Variants in MLIP observed in about 807,000 individuals in gnomAD.
MLIP encodes muscular LMNA interacting protein.
A neutral mutation model predicts 84.8 loss-of-function variants in MLIP; 79 were observed. That is an observed-to-expected ratio of 0.93 (90% CI 0.78 to 1.12). MLIP has a LOEUF of 1.12. MLIP is among the 50% of genes most tolerant of loss of function. The pLI, the probability that MLIP is intolerant of heterozygous loss-of-function variation, is 0.00. For missense variants in MLIP, 1,257 were observed against 1,160.6 expected, an observed-to-expected ratio of 1.08 and a Z score of -1.21; for synonymous variants, 504 against 463.0, an observed-to-expected ratio of 1.09 and a Z score of -1.14.
chr6:54,157,312 G>A (rs1439116815), intron 5 of MLIP, among the ~76,000 whole-genome samples: 2 of 152,104 alleles, frequency 1.3e-5, no homozygotes, highest in East Asian at 1.9e-4. Flanking sequence ...CTTGACATCT[G>A]CTAGAATTGA....
intron 1 of MLIP, among the ~76,000 whole-genome samples, chr6:54,041,541 G>A (rs901612788): frequency 1.3e-5 from 2 of 152,014 alleles, no homozygotes; most frequent in African/African-American, 4.8e-5. Flanking sequence ...ATTTCCACTA[G>A]CAAAGTGTGT....
intron 4 of MLIP, among the ~76,000 whole-genome samples, chr6:54,143,248 G>A (rs546509297): frequency 3.5e-5 from 5 of 142,972 alleles, no homozygotes; most frequent in African/African-American, 1.3e-4. Flanking sequence ...GTGTAGTTTC[G>A]CTCTTGGCGT....
At chr6:54,221,268 T>A (rs1780201857) in intron 11 of MLIP, among the ~76,000 whole-genome samples, 3 of 152,108 alleles carry the variant, frequency 2.0e-5, no homozygotes, top group Admixed American at 2.0e-4. Flanking sequence ...AGTGGTCCTT[T>A]CCCTGTATGA....
rs747881206 is a variant in MLIP, at chr6:54,257,362, G to A, written c.2976+1G>A. The A allele has an allele frequency of 6.2e-7, 1 of 1,603,620 alleles. No individual in the cohort carries two copies. Among genetic ancestry groups the A allele is most frequent in the Non-Finnish European group, 8.5e-7 (1 of 1,171,100 alleles). On this transcript the variant is annotated splice_donor_variant, in intron 13 of 13. Coordinates refer to ENST00000502396, the MANE Select transcript of MLIP (RefSeq NM_001281747.2). LOFTEE classifies it high-confidence loss of function. The stretch of plus-strand genomic sequence containing the variant: ...ACATGAAGCTCTTGATTCCAAAGAG[G>A]TAAATGTAAGATAGGACTGGATATC...
chr6:54,162,299 C>T lies in MLIP; in HGVS notation c.2499+1500C>T, dbSNP rs962823722. Reference sequence around the variant, plus strand: ...TAGAGAAACAGGCATGTGTAAATTTCCTGAAGCATGAAAGAGCTTAGTGTG... The same window carrying T: ...TAGAGAAACAGGCATGTGTAAATTTTCTGAAGCATGAAAGAGCTTAGTGTG... On this transcript the variant is annotated intron_variant, in intron 8 of 13. Coordinates refer to ENST00000502396, the MANE Select transcript of MLIP (RefSeq NM_001281747.2). Among the ~76,000 whole-genome samples the T allele has an allele frequency of 9.9e-5, 15 of 152,080 alleles. No homozygotes were observed. In the South Asian group the frequency reaches 2.3e-3, roughly 23 times the overall value.
intron 1 of MLIP, among the ~76,000 whole-genome samples, chr6:54,093,563 A>G (rs1304072941): frequency 6.6e-6 from 1 of 152,100 alleles, no homozygotes; most frequent in Non-Finnish European, 1.5e-5. Context: ...AGCTGCTAAA[A>G]CGAGGGGGCT....
At position 54,102,797 on chromosome 6, in the gene MLIP, A is replaced by C. The variant is rs192473269; in HGVS notation, c.64-18650A>C. ...AGGAAACAAAACAAATACATTTCCCATCACAGTGGCATTTATGTTCCAACT... is the reference window on the plus strand; with the variant it reads ...AGGAAACAAAACAAATACATTTCCCCTCACAGTGGCATTTATGTTCCAACT... On this transcript the variant is annotated intron_variant, in intron 1 of 12. Transcript: ENST00000274897. Among the ~76,000 whole-genome samples the C allele has an allele frequency of 3.0e-4, 45 of 152,332 alleles. 1 individual carries two copies. Among genetic ancestry groups the C allele is most frequent in the African/African-American group, 9.4e-4 (39 of 41,586 alleles).
intron 11 of MLIP, among the ~76,000 whole-genome samples, chr6:54,223,933 A>G (rs890487419): frequency 6.6e-6 from 1 of 152,054 alleles, no homozygotes; most frequent in African/African-American, 2.4e-5. Flanking sequence ...AGTCCTTGAA[A>G]GGAAATTTAT....
At chr6:54,079,247 C>T (rs1221966820) in intron 1 of MLIP, among the ~76,000 whole-genome samples, 1 of 152,136 alleles carries the variant, frequency 6.6e-6, no homozygotes. Context: ...AGACAATCCT[C>T]ATGGGTGAAT....
At chr6:54,219,269 G>A (rs1469924387) in intron 11 of MLIP, among the ~76,000 whole-genome samples, 2 of 149,176 alleles carry the variant, frequency 1.3e-5, no homozygotes, top group Admixed American at 6.7e-5. Flanking sequence ...ACATTATGCA[G>A]CTGTACAAAA....
intron 11 of MLIP, among the ~76,000 whole-genome samples, chr6:54,218,864 T>C (rs1780023837): frequency 1.3e-5 from 2 of 151,922 alleles, no homozygotes; most frequent in African/African-American, 4.8e-5. Flanking sequence ...ATTTTTTACT[T>C]AATAAACTTG....
At chr6:54,042,571 TA>T (rs938127436) in intron 1 of MLIP, among the ~76,000 whole-genome samples, 1 of 152,184 alleles carries the variant, frequency 6.6e-6, no homozygotes, top group African/African-American at 2.4e-5. Context: ...AATGTGAAAT[TA>T]TGTAAGAACA....
intron 1 of MLIP, among the ~76,000 whole-genome samples, chr6:54,084,460 G>A (rs1227910476): frequency 6.6e-6 from 1 of 152,022 alleles, no homozygotes; most frequent in Non-Finnish European, 1.5e-5. Context: ...TTGCAATCAG[G>A]GTCACATTAC....
At chr6:54,216,289 G>C (rs1353718024) in intron 11 of MLIP, 1 of 985,192 alleles carries the variant, frequency 1.0e-6, no homozygotes, top group African/African-American at 1.7e-5. Flanking sequence ...AATTGTAGAA[G>C]CCTATTTTCT....
intron 8 of MLIP, among the ~76,000 whole-genome samples, chr6:54,165,460 C>A (rs1019271968): frequency 5.3e-5 from 8 of 151,946 alleles, no homozygotes; most frequent in African/African-American, 1.9e-4. Context: ...TTCATCGTTA[C>A]CTCTTTACAA....
intron 4 of MLIP, among the ~76,000 whole-genome samples, chr6:54,144,404 G>A (rs901725367): frequency 2.0e-5 from 3 of 152,090 alleles, no homozygotes; most frequent in Non-Finnish European, 2.9e-5. Context: ...TTACTGCACC[G>A]GTCCCCAACC....
At chr6:54,247,057 A>C (rs1782130327) in intron 12 of MLIP, among the ~76,000 whole-genome samples, 2 of 152,146 alleles carry the variant, frequency 1.3e-5, no homozygotes, top group African/African-American at 4.8e-5. Flanking sequence ...GACCCAAGAA[A>C]GTTTTTAAGA....
At chr6:54,057,000 G>A (rs964508872) in intron 1 of MLIP, among the ~76,000 whole-genome samples, 3 of 152,070 alleles carry the variant, frequency 2.0e-5, no homozygotes, top group African/African-American at 7.2e-5. Flanking sequence ...AAAGGCATAG[G>A]GTTAACATTT....
At chr6:54,235,938 T>C (rs983674981) in intron 12 of MLIP, among the ~76,000 whole-genome samples, 3 of 152,164 alleles carry the variant, frequency 2.0e-5, no homozygotes, top group Non-Finnish European at 2.9e-5. Context: ...GCATGGCATG[T>C]CCTTATCAAC....
Sources: gnomAD v4.1 joint callset for allele counts (sites outside exome capture counted in the v4.1 genomes callset) on GRCh38, gnomAD v4.1.1 for gene constraint, MANE v1.5 for transcripts, NCBI Gene and HGNC (gene_info 2026-07-23, HGNC 2026-07-21) for gene names.